NCKAP5: variants seen among roughly 807,000 people sequenced by gnomAD.
The protein encoded by NCKAP5 is NCK associated protein 5, also known as nck-associated protein 5.
NCKAP5 carries 92 observed loss-of-function variants against 167.0 expected under a neutral mutation model. The observed-to-expected ratio is 0.55, with a 90% confidence interval of 0.47 to 0.66. NCKAP5 has a LOEUF of 0.66. NCKAP5 is among the 30% of genes least tolerant of loss of function. The probability of loss-of-function intolerance (pLI) is 0.00; values close to 1 mark genes in which losing one functional copy is unlikely to be tolerated. For synonymous variants in NCKAP5, 891 were observed against 877.4 expected (o/e 1.02, Z -0.27); for missense variants, 2,378 against 2,315.0 (o/e 1.03, Z -0.56).
chr2:133,376,661 C>T (rs1321483207), intron 3 of NCKAP5, among the ~76,000 whole-genome samples: 1 of 152,176 alleles, frequency 6.6e-6, no homozygotes, highest in Non-Finnish European at 1.5e-5. Flanking sequence ...TTTGCTTAAA[C>T]CCTTCTGGTG....
rs1331047136 is a variant in NCKAP5 at position 132,920,701 on chromosome 2, ACG to A, written c.580-41787_580-41786del. Among the ~76,000 whole-genome samples the A allele has an allele frequency of 1.1e-3, 128 of 113,656 alleles. 5 individuals carry two copies. Among genetic ancestry groups the A allele is most frequent in the African/African-American group, 4.8e-3 (120 of 25,256 alleles). 74.6% of individuals were successfully genotyped at this position (113,656 alleles called of 152,430 possible). ...TATAAGTTAGTTTATATATATATAT[ACG>A]TATATGTATATATATGTATATATAT... On this transcript the variant is annotated intron_variant, in intron 8 of 19. Transcript: ENST00000409261.
rs749834603 is a variant in NCKAP5, at chr2:132,794,299, GAGAGAGA to G, written c.909+2322_909+2328del. 6.0e-4 allele frequency among the ~76,000 whole-genome samples: 74 copies of G among 123,242 alleles called. 1 individual carries two copies. The highest frequency in any genetic ancestry group is 7.4e-4 in the Non-Finnish European group (42 of 56,872). 80.9% of individuals were successfully genotyped at this position (123,242 alleles called of 152,430 possible). A position where few individuals can be genotyped will look rare whatever the true frequency, so the allele number is the denominator to read the frequency against. ...AGAGAGAGAGAGAGAGAGAGAGAGA[GAGAGAGA>G]GGGTGGCGGGAAGAGAGAGAGAAAG... On this transcript the variant is annotated intron_variant, in intron 12 of 19. Transcript: ENST00000409261.
chr2:133,647,494 AAGG>A, the NCKAP5 span, among the ~76,000 whole-genome samples: 4 of 122,414 alleles, frequency 3.3e-5, no homozygotes, highest in South Asian at 1.3e-3. Flanking sequence ...AAGGAAAGGA[AAGG>A]AAAGGAAAGG....
the NCKAP5 span, among the ~76,000 whole-genome samples, chr2:133,635,443 C>T: frequency 6.6e-6 from 1 of 152,198 alleles, no homozygotes; most frequent in Non-Finnish European, 1.5e-5. Context: ...TAGGAATCCA[C>T]AGTCTTACAG....
intron 7 of NCKAP5, among the ~76,000 whole-genome samples, chr2:132,992,533 A>T (rs2077478079): frequency 6.6e-6 from 1 of 152,204 alleles, no homozygotes; most frequent in Non-Finnish European, 1.5e-5. Flanking sequence ...ATGGGGAACA[A>T]ATAATTTACT....
At chr2:132,883,721 C>A (rs533294793) in intron 8 of NCKAP5, among the ~76,000 whole-genome samples, 1 of 152,312 alleles carries the variant, frequency 6.6e-6, no homozygotes, top group Non-Finnish European at 1.5e-5. Flanking sequence ...ACGCTGGCAG[C>A]AGGAGTTACA....
rs75517338 is a variant in NCKAP5, at chr2:133,231,861, C to T, written c.144-18082G>A. ...GAAAACAAATGGAACATGTAAATTG[C>T]TGAGGAGTTTGTTCCCTTTAATTTT... On this transcript the variant is annotated intron_variant, in intron 4 of 19. Coordinates refer to ENST00000409261, the MANE Select transcript of NCKAP5 (RefSeq NM_207363.3). Among the ~76,000 whole-genome samples, 179 of 152,268 alleles carry T rather than the reference C, an allele frequency of 1.2e-3. 1 individual carries two copies. The East Asian group carries it at 0.032, about 27-fold the overall frequency.
chr2:133,272,457 A>G (rs933925962), intron 4 of NCKAP5, among the ~76,000 whole-genome samples: 2 of 152,220 alleles, frequency 1.3e-5, no homozygotes, highest in Non-Finnish European at 2.9e-5. Flanking sequence ...ACTTATTGAC[A>G]TAAAGTGATC....
chr2:133,327,413 C>G lies in NCKAP5; in HGVS notation c.70-24303G>C, dbSNP rs558450612. Among the ~76,000 whole-genome samples, 3 of 152,242 alleles carry G rather than the reference C, an allele frequency of 2.0e-5. No homozygotes were observed. The South Asian group carries it at 6.2e-4, about 32-fold the overall frequency. ...GAAGGATTCAAATCCCAATTCTAGG[C>G]AAAGATATGTTAATAGTCACATCCC... On this transcript the variant is annotated intron_variant, in intron 3 of 19. Coordinates refer to ENST00000409261, the MANE Select transcript of NCKAP5 (RefSeq NM_207363.3).
chr2:133,129,142 T>C (rs1230142077), intron 6 of NCKAP5, among the ~76,000 whole-genome samples: 3 of 150,932 alleles, frequency 2.0e-5, no homozygotes, highest in Non-Finnish European at 3.0e-5. Context: ...ATGTGCACAA[T>C]GTGCAGGTTT....
rs371738627 is a variant in NCKAP5, at chr2:132,963,754, G to A, written c.545C>T (p.Thr182Ile). The A allele has an allele frequency of 3.1e-6, 5 of 1,613,844 alleles. No individual in the cohort carries two copies. The highest frequency in any genetic ancestry group is 1.3e-5 in the African/African-American group (1 of 75,022). The change falls in exon 8 of 20, where the codon ACC (threonine) becomes ATC (isoleucine). Residue 182 changes from threonine to isoleucine, a missense_variant. Physicochemically the swap from Thr to Ile is moderately conservative, Grantham distance 89 (BLOSUM62 -1). This residue lies in a region of NCKAP5 where 1,049 missense variants were observed against 1,023.4 expected (regional missense o/e 1.02). Transcript: ENST00000409261. ...SSSTDEGKEK[T>I]KLLLERLKAL... is the part of the protein sequence containing the mutation. The stretch of plus-strand genomic sequence containing the variant: ...TTTCAATCTCTCTAATAGCAATTTG[G>A]TCTTTTCTTTTCCCTCATCTGTACT...
At chr2:133,114,731 G>A (rs951017093) in intron 6 of NCKAP5, among the ~76,000 whole-genome samples, 1 of 151,668 alleles carries the variant, frequency 6.6e-6, no homozygotes, top group Non-Finnish European at 1.5e-5. Context: ...CATTTGTTCC[G>A]TAGAATTTCC....
At chr2:133,627,662 C>T in the NCKAP5 span, among the ~76,000 whole-genome samples, 1 of 151,964 alleles carries the variant, frequency 6.6e-6, no homozygotes, top group Non-Finnish European at 1.5e-5. Flanking sequence ...AGTGTGCGCT[C>T]TCTTTAGACG....
rs577480054 is a variant in NCKAP5, at chr2:133,503,676, C to T, written c.69+13782G>A. Among the ~76,000 whole-genome samples the T allele has an allele frequency of 1.8e-3, 279 of 152,268 alleles. 1 individual carries two copies. The highest frequency in any genetic ancestry group is 6.3e-3 in the African/African-American group (260 of 41,552). ...AATTTTCCAATTTTTCATGGGGATC[C>T]GGTAACCATATAGGAAAAAGGAGGA... On this transcript the variant is annotated intron_variant, in intron 3 of 19. Transcript: ENST00000409261.
chr2:133,420,207 T>A (rs1022824049), intron 3 of NCKAP5, among the ~76,000 whole-genome samples: 2 of 152,234 alleles, frequency 1.3e-5, no homozygotes, highest in Admixed American at 1.3e-4. Flanking sequence ...AGCCAAAATG[T>A]AGAAACCTAG....
intron 10 of NCKAP5, among the ~76,000 whole-genome samples, chr2:132,862,258 A>T (rs1338913925): frequency 6.6e-6 from 1 of 152,248 alleles, no homozygotes; most frequent in African/African-American, 2.4e-5. Flanking sequence ...AGCATGCATC[A>T]TCTTATCCAG....
At chr2:133,001,068 T>C (rs2077760159) in intron 6 of NCKAP5, among the ~76,000 whole-genome samples, 1 of 152,186 alleles carries the variant, frequency 6.6e-6, no homozygotes, top group Non-Finnish European at 1.5e-5. Context: ...ACAGGTTATA[T>C]GCATTTGTTG....
chr2:133,632,336 T>G, the NCKAP5 span, among the ~76,000 whole-genome samples: 1 of 152,252 alleles, frequency 6.6e-6, no homozygotes. Context: ...GAGCTTACTT[T>G]TTTGCCTTCG....
At chr2:133,258,619 C>T (rs2088742337) in intron 4 of NCKAP5, among the ~76,000 whole-genome samples, 1 of 151,946 alleles carries the variant, frequency 6.6e-6, no homozygotes, top group African/African-American at 2.4e-5. Context: ...ATGGTGCATG[C>T]CTATAGTCGC....
Sources: allele counts gnomAD v4.1 joint callset (sites outside exome capture counted in the v4.1 genomes callset), GRCh38; gene constraint gnomAD v4.1.1; regional missense constraint gnomAD v4.1.1; transcripts MANE v1.5; gene names NCBI Gene and HGNC (gene_info 2026-07-23, HGNC 2026-07-21).